WIPF3: variants seen among roughly 807,000 people sequenced by gnomAD.
WIPF3 encodes the protein WAS/WASL interacting protein family member 3.
Under a neutral mutation model 38.9 loss-of-function variants are expected in WIPF3, and 33 were observed. The ratio of observed to expected loss-of-function variants is 0.85; its 90% CI spans 0.64 to 1.14. The LOEUF is 1.14. WIPF3 is among the 50% of genes most tolerant of loss of function. The pLI, the probability that WIPF3 is intolerant of heterozygous loss-of-function variation, is 0.00. For synonymous variants in WIPF3, 324 were observed against 269.3 expected, an observed-to-expected ratio of 1.20 and a Z score of -1.99; for missense variants, 711 against 652.5, an observed-to-expected ratio of 1.09 and a Z score of -0.98.
chr7:29,906,803 A>C (rs371052099), intron 8 of WIPF3, among the ~76,000 whole-genome samples: 4 of 152,338 alleles, frequency 2.6e-5, no homozygotes, highest in African/African-American at 9.6e-5. Flanking sequence ...CATACAAGGG[A>C]TCTTCAGTAA....
chr7:29,884,264 T>TTCCCCCCCCCCC lies in WIPF3; in HGVS notation c.770_771insTCCCCCCCCCCC (p.Pro259_Ile260insProProProPro). ...AAGCCTCAGCTGGCTCCCTTGCACCTCCCGCCCATCCCGCCCCCGCTCCCT... is the reference window on the plus strand; with the variant it reads ...AAGCCTCAGCTGGCTCCCTTGCACCTTCCCCCCCCCCCCCCGCCCATCCCGCCCCCGCTCCCT... On this transcript the variant is annotated inframe_insertion, in exon 5 of 9. Coordinates refer to ENST00000242140, the MANE Select transcript of WIPF3 (RefSeq NM_001080529.3). 5 of 1,315,280 alleles carry TTCCCCCCCCCCC rather than the reference T, an allele frequency of 3.8e-6. No individual in the cohort carries two copies. The highest frequency in any genetic ancestry group is 5.0e-6 in the Non-Finnish European group (5 of 992,706). The allele number at this position is 1,315,280 out of a possible 1,614,324, so 81.5% of individuals were successfully genotyped here. A position where few individuals can be genotyped will look rare whatever the true frequency, so the allele number is the denominator to read the frequency against.
intron 4 of WIPF3, 118 bp downstream of exon 4, chr7:29,879,258 G>A: frequency 7.8e-7 from 1 of 1,274,050 alleles, no homozygotes; most frequent in East Asian, 2.5e-5. Context: ...GCATGATAGA[G>A]TAGAAGATCA....
intron 2 of WIPF3, among the ~76,000 whole-genome samples, chr7:29,836,826 T>TA (rs1281635882): frequency 2.0e-5 from 3 of 151,470 alleles, no homozygotes; most frequent in African/African-American, 4.9e-5. Flanking sequence ...CCATCTCTAC[T>TA]AAAAAATACA....
chr7:29,847,089 G>A (rs1562776473), intron 2 of WIPF3, among the ~76,000 whole-genome samples: 1 of 152,188 alleles, frequency 6.6e-6, no homozygotes, highest in African/African-American at 2.4e-5. Flanking sequence ...GAGTATAGCA[G>A]GCATAGAGTT....
At chr7:29,856,893 C>T (rs1785194634) in intron 2 of WIPF3, among the ~76,000 whole-genome samples, 1 of 152,098 alleles carries the variant, frequency 6.6e-6, no homozygotes, top group African/African-American at 2.4e-5. Context: ...CAAAATCCAC[C>T]AGTCAATAGG....
chr7:29,860,396 G>C (rs1745597235), intron 2 of WIPF3, among the ~76,000 whole-genome samples: 1 of 152,002 alleles, frequency 6.6e-6, no homozygotes, highest in African/African-American at 2.4e-5. Context: ...CTCCAAAGCT[G>C]GTTGTTAAAA....
chr7:29,909,962 G>A (rs142609303), intron 8 of WIPF3, among the ~76,000 whole-genome samples: 138 of 152,034 alleles, frequency 9.1e-4, no homozygotes, highest in African/African-American at 3.2e-3. Flanking sequence ...GAGTGGAGTT[G>A]GGGATGGTTA....
intron 4 of WIPF3, among the ~76,000 whole-genome samples, chr7:29,882,914 A>G (rs993121236): frequency 6.6e-5 from 10 of 152,234 alleles, no homozygotes; most frequent in Non-Finnish European, 1.5e-4. Flanking sequence ...TGATACTCCA[A>G]GGACATCTCT....
chr7:29,884,713 G>C (rs1409845203), intron 5 of WIPF3, 120 bp downstream of exon 5: 1 of 1,392,852 alleles, frequency 7.2e-7, no homozygotes, highest in Admixed American at 2.8e-5. Context: ...GAGGGAGGCA[G>C]AGAGACTTGC....
chr7:29,841,911 C>T (rs1230245634), intron 2 of WIPF3, among the ~76,000 whole-genome samples: 1 of 152,148 alleles, frequency 6.6e-6, no homozygotes, highest in East Asian at 1.9e-4. Context: ...AAGATGTAAC[C>T]TAAAAATATA....
At chr7:29,855,900 T>C (rs926406058) in intron 2 of WIPF3, among the ~76,000 whole-genome samples, 1 of 152,238 alleles carries the variant, frequency 6.6e-6, no homozygotes, top group African/African-American at 2.4e-5. Context: ...TATAATTGTT[T>C]TAGTATAAGT....
At chr7:29,873,404 A>G (rs1249097929) in intron 2 of WIPF3, among the ~76,000 whole-genome samples, 5 of 152,212 alleles carry the variant, frequency 3.3e-5, no homozygotes, top group Admixed American at 2.0e-4. Flanking sequence ...ACCATAATGC[A>G]TACCTGAAGT....
intron 2 of WIPF3, among the ~76,000 whole-genome samples, chr7:29,864,373 C>A (rs926884459): frequency 6.6e-6 from 1 of 152,024 alleles, no homozygotes; most frequent in Admixed American, 6.6e-5. Context: ...AGAATAAACC[C>A]CACTTAGTGG....
chr7:29,838,619 T>C (rs1784857731), intron 2 of WIPF3, among the ~76,000 whole-genome samples: 1 of 152,160 alleles, frequency 6.6e-6, no homozygotes, highest in Non-Finnish European at 1.5e-5. Context: ...TGTGGAGTGA[T>C]GGAAACTCTC....
intron 2 of WIPF3, among the ~76,000 whole-genome samples, chr7:29,871,473 C>T (rs1046687573): frequency 2.0e-5 from 3 of 152,172 alleles, no homozygotes; most frequent in East Asian, 1.9e-4. Flanking sequence ...TGTATTAAAA[C>T]GATAGGGTTT....
intron 1 of WIPF3, among the ~76,000 whole-genome samples, chr7:29,809,623 CA>C (rs1364572848): frequency 8.5e-5 from 13 of 152,230 alleles, no homozygotes; most frequent in African/African-American, 3.1e-4. Context: ...AGGGGCAGCA[CA>C]CGTGTTTTCT....
chr7:29,826,073 C>G (rs1443292437), intron 1 of WIPF3, among the ~76,000 whole-genome samples: 1 of 152,146 alleles, frequency 6.6e-6, no homozygotes, highest in African/African-American at 2.4e-5. Context: ...TTAAATGAAT[C>G]TACATGAAAA....
At chr7:29,905,615 G>C (rs1405297687) in intron 8 of WIPF3, 2 of 151,990 alleles carry the variant, frequency 1.3e-5, no homozygotes, top group African/African-American at 4.8e-5. Flanking sequence ...GCTTGCAGGA[G>C]CCAAGGTGGG....
At chr7:29,866,433 C>T (rs1583609620) in intron 2 of WIPF3, among the ~76,000 whole-genome samples, 1 of 152,198 alleles carries the variant, frequency 6.6e-6, no homozygotes, top group African/African-American at 2.4e-5. Context: ...GAGAGGTGGA[C>T]CAGCAGGGCT....
Sources: allele counts gnomAD v4.1 joint callset (sites outside exome capture counted in the v4.1 genomes callset), GRCh38; gene constraint gnomAD v4.1.1; transcripts MANE v1.5; gene names NCBI Gene and HGNC (gene_info 2026-07-23, HGNC 2026-07-21).